Variants in IFNG-AS1 observed in about 807,000 individuals in gnomAD.
The protein encoded by IFNG-AS1 is IFNG antisense RNA 1 (non-protein coding).
chr12:68,019,306 G>C (rs1397009578), intron 3 of IFNG-AS1, among the ~76,000 whole-genome samples: 1 of 152,138 alleles, frequency 6.6e-6, no homozygotes, highest in Non-Finnish European at 1.5e-5. Context: ...TGTTCTAAGT[G>C]CCTCGCATGT....
At chr12:67,992,554 C>T (rs150220167) in intron 1 of IFNG-AS1, among the ~76,000 whole-genome samples, 15 of 152,268 alleles carry the variant, frequency 9.9e-5, no homozygotes, top group African/African-American at 2.2e-4. Context: ...TCCTTGCCCA[C>T]GTGCAACATT....
chr12:67,993,041 C>T (rs573278429), intron 1 of IFNG-AS1, among the ~76,000 whole-genome samples: 1 of 152,338 alleles, frequency 6.6e-6, no homozygotes, highest in African/African-American at 2.4e-5. Context: ...CCTCTTGTCA[C>T]TTTCCTGTCC....
chr12:68,010,228 C>A (rs1157320208), intron 3 of IFNG-AS1, among the ~76,000 whole-genome samples: 1 of 152,156 alleles, frequency 6.6e-6, no homozygotes, highest in Non-Finnish European at 1.5e-5. Flanking sequence ...ACTATTAAGG[C>A]ACTGTCCAAT....
chr12:68,004,900 C>A (rs1011470478), intron 2 of IFNG-AS1, among the ~76,000 whole-genome samples: 1 of 152,156 alleles, frequency 6.6e-6, no homozygotes, highest in Non-Finnish European at 1.5e-5. Flanking sequence ...TCTTTTCTGT[C>A]TCCTTTTTTG....
intron 1 of IFNG-AS1, among the ~76,000 whole-genome samples, chr12:67,991,120 G>T (rs1417150714): frequency 6.6e-6 from 1 of 152,158 alleles, no homozygotes; most frequent in Non-Finnish European, 1.5e-5. Flanking sequence ...AAGGAGGGAT[G>T]GAGTCTAGAC....
intron 1 of IFNG-AS1, among the ~76,000 whole-genome samples, chr12:67,994,797 A>C (rs1879596922): frequency 6.6e-6 from 1 of 152,214 alleles, no homozygotes; most frequent in Non-Finnish European, 1.5e-5. Flanking sequence ...AAAGTGATCC[A>C]CCGCAGATTT....
intron 1 of IFNG-AS1, among the ~76,000 whole-genome samples, chr12:67,991,947 C>G (rs1329551468): frequency 6.6e-6 from 1 of 152,092 alleles, no homozygotes; most frequent in Non-Finnish European, 1.5e-5. Flanking sequence ...TGTTATTGCT[C>G]TTAGTTATTT....
chr12:68,015,740 A>C (rs769301852), intron 3 of IFNG-AS1, among the ~76,000 whole-genome samples: 1 of 152,230 alleles, frequency 6.6e-6, no homozygotes, highest in Non-Finnish European at 1.5e-5. Context: ...AGGGGGAAGG[A>C]AAGGTCATAA....
chr12:67,997,888 T>C (rs1879680521), intron 2 of IFNG-AS1, among the ~76,000 whole-genome samples: 1 of 151,934 alleles, frequency 6.6e-6, no homozygotes, highest in African/African-American at 2.4e-5. Flanking sequence ...CCTTGTAAGA[T>C]AGCAAAAAAT....
At chr12:67,997,410 T>C (rs552165329) in intron 2 of IFNG-AS1, among the ~76,000 whole-genome samples, 2 of 152,154 alleles carry the variant, frequency 1.3e-5, no homozygotes, top group Non-Finnish European at 2.9e-5. Flanking sequence ...AAAATTTTAA[T>C]AGATGGTTCT....
At position 68,001,549 on chromosome 12, in the gene IFNG-AS1, A is replaced by G. The variant is rs1375494465; in HGVS notation, n.185-4541A>G. On this transcript the variant is annotated intron_variant and non_coding_transcript_variant, in intron 2 of 5. Coordinates refer to ENST00000536914, the Ensembl canonical transcript of IFNG-AS1. The stretch of plus-strand genomic sequence containing the variant: ...TACTGAAAACCTTGCGAGCAGACAT[A>G]GTGAGGAATGGAGTCAACCGCATAC... 3.9e-5 allele frequency: 8 copies of G among 203,936 alleles called. No individual in the cohort carries two copies. The East Asian group carries it at 8.7e-4, about 22-fold the overall frequency. 12.6% of individuals were successfully genotyped at this position (203,936 alleles called of 1,614,324 possible).
At chr12:68,018,991 C>A (rs373933139) in intron 3 of IFNG-AS1, among the ~76,000 whole-genome samples, 1 of 151,960 alleles carries the variant, frequency 6.6e-6, no homozygotes, top group Non-Finnish European at 1.5e-5. Context: ...TCTTGTGGAG[C>A]CTTCAACCTC....
At chr12:68,011,949 G>C (rs1880040202) in intron 3 of IFNG-AS1, among the ~76,000 whole-genome samples, 1 of 152,144 alleles carries the variant, frequency 6.6e-6, no homozygotes, top group Non-Finnish European at 1.5e-5. Flanking sequence ...GCCTCCTTCA[G>C]TTACCCTGGA....
At chr12:67,996,465 C>T (rs1565686804) in intron 2 of IFNG-AS1, among the ~76,000 whole-genome samples, 1 of 152,144 alleles carries the variant, frequency 6.6e-6, no homozygotes, top group African/African-American at 2.4e-5. Context: ...TTTATAACTA[C>T]AAAATCTTGT....
intron 3 of IFNG-AS1, among the ~76,000 whole-genome samples, chr12:68,010,685 C>A (rs1485479458): frequency 1.3e-5 from 2 of 152,144 alleles, no homozygotes; most frequent in Non-Finnish European, 2.9e-5. Flanking sequence ...AAGTGGTAGT[C>A]AATGTTCTGA....
intron 1 of IFNG-AS1, among the ~76,000 whole-genome samples, chr12:67,992,248 C>G (rs894103712): frequency 6.6e-6 from 1 of 152,200 alleles, no homozygotes; most frequent in Non-Finnish European, 1.5e-5. Context: ...GGTAATTCAC[C>G]ATTAAATTGT....
At chr12:68,017,590 A>G (rs902303934) in intron 3 of IFNG-AS1, among the ~76,000 whole-genome samples, 4 of 152,196 alleles carry the variant, frequency 2.6e-5, no homozygotes, top group African/African-American at 9.7e-5. Flanking sequence ...GCTGTTTTGA[A>G]CAATGAGCCA....
In IFNG-AS1 at chr12:67,992,043, CCT is replaced by C. The variant is rs140108038; in HGVS notation, n.51+2475_51+2476del. On this transcript the variant is annotated intron_variant and non_coding_transcript_variant, in intron 1 of 5. Coordinates refer to ENST00000536914, the Ensembl canonical transcript of IFNG-AS1. ...TACTACCTTTCAAGCCAATTCTCTTCCTCTCTCTCTCTTTCTCTTTCTCTCTG... is the reference window on the plus strand; with the variant it reads ...TACTACCTTTCAAGCCAATTCTCTTCCTCTCTCTCTTTCTCTTTCTCTCTG... Among the ~76,000 whole-genome samples the C allele has an allele frequency of 3.1e-3, 477 of 152,060 alleles. 5 individuals carry two copies. Among genetic ancestry groups the C allele is most frequent in the African/African-American group, 0.011 (456 of 41,492 alleles).
intron 1 of IFNG-AS1, among the ~76,000 whole-genome samples, chr12:67,990,806 C>A (rs1369717969): frequency 6.6e-6 from 1 of 152,094 alleles, no homozygotes; most frequent in African/African-American, 2.4e-5. Flanking sequence ...GTTGGCCAAG[C>A]TGGTCTCAAA....
Sources: gnomAD v4.1 joint callset for allele counts (sites outside exome capture counted in the v4.1 genomes callset) on GRCh38, gnomAD v4.1.1 for gene constraint, MANE v1.5 for transcripts, NCBI Gene and HGNC (gene_info 2026-07-23, HGNC 2026-07-21) for gene names.